The following CLEC16A variants were observed in gnomAD, a reference collection of about 807,000 sequenced individuals.
CLEC16A encodes the protein protein CLEC16A.
A neutral mutation model predicts 109.5 loss-of-function variants in CLEC16A; 51 were observed. The observed-to-expected ratio is 0.47, with a 90% CI of 0.37 to 0.59. The LOEUF (loss-of-function observed/expected upper bound fraction) is 0.59. Among genes scored for constraint, CLEC16A ranks in the 20% least tolerant of loss-of-function variants. The probability of loss-of-function intolerance (pLI) is 0.00; values close to 1 mark genes in which losing one functional copy is unlikely to be tolerated. For missense variants in CLEC16A, 1,339 were observed against 1,394.0 expected, an observed-to-expected ratio of 0.96 and a Z score of 0.63; for synonymous variants, 673 against 564.2, an observed-to-expected ratio of 1.19 and a Z score of -2.73.
intron 22 of CLEC16A, among the ~76,000 whole-genome samples, chr16:11,134,489 TC>T (rs1399552651): frequency 1.3e-5 from 2 of 152,138 alleles, no homozygotes; most frequent in Non-Finnish European, 2.9e-5. Context: ...GATCTGTACC[TC>T]CCCTTCCTGC....
chr16:10,992,969 C>T (rs1231988290), intron 10 of CLEC16A, among the ~76,000 whole-genome samples: 1 of 151,778 alleles, frequency 6.6e-6, no homozygotes, highest in Non-Finnish European at 1.5e-5. Context: ...GGGGCGTGGC[C>T]AAAACATGAG....
chr16:10,972,699 T>C (rs568734173), intron 6 of CLEC16A, 140 bp downstream of exon 6: 3 of 859,412 alleles, frequency 3.5e-6, no homozygotes, highest in African/African-American at 3.4e-5. Context: ...CCATTAATGT[T>C]TAGCCCAACT....
chr16:11,082,756 A>C (rs186459201), intron 19 of CLEC16A, among the ~76,000 whole-genome samples: 25 of 152,330 alleles, frequency 1.6e-4, no homozygotes, highest in South Asian at 1.0e-3. Flanking sequence ...TTGAGGTAGA[A>C]GTCCTGCCTG....
At position 11,028,172 on chromosome 16, in the gene CLEC16A, C is replaced by A. The variant is rs150351921; in HGVS notation, c.1537+3251C>A. ...CTGAGATCACGCCATTGCACTCCAG[C>A]CTGGGCAACGAGCGAAACTCTGTCT... On this transcript the variant is annotated intron_variant, in intron 13 of 23. Coordinates refer to ENST00000409790, the MANE Select transcript of CLEC16A (RefSeq NM_015226.3). Among the ~76,000 whole-genome samples the A allele has an allele frequency of 4.6e-3, 693 of 152,304 alleles. 5 individuals are homozygous for A. The highest frequency in any genetic ancestry group is 0.031 in the Middle Eastern group (9 of 294).
chr16:11,050,020 C>T (rs970745405), intron 17 of CLEC16A, among the ~76,000 whole-genome samples: 1 of 152,216 alleles, frequency 6.6e-6, no homozygotes. Context: ...GCAGCTATAA[C>T]AGAATACCAC....
chr16:11,171,364 G>A (rs921768450), intron 23 of CLEC16A, among the ~76,000 whole-genome samples: 1 of 152,200 alleles, frequency 6.6e-6, no homozygotes, highest in Non-Finnish European at 1.5e-5. Flanking sequence ...GCTGGCCCCA[G>A]ACCAAAGGGA....
intron 19 of CLEC16A, among the ~76,000 whole-genome samples, chr16:11,078,876 C>A (rs760189677): frequency 6.6e-6 from 1 of 152,164 alleles, no homozygotes; most frequent in Non-Finnish European, 1.5e-5. Context: ...AAGCTGTTTA[C>A]GCTTCTCTCC....
In CLEC16A at chr16:11,126,164, C is replaced by A. The variant is rs776601584; in HGVS notation, c.2641+18C>A. ...GGTGCCAGGTGAGCCAGCCCCCCGCCCTGCGCCACAGCTCGTTCATCATGG... is the reference window on the plus strand; with the variant it reads ...GGTGCCAGGTGAGCCAGCCCCCCGCACTGCGCCACAGCTCGTTCATCATGG... On this transcript the variant is annotated intron_variant, in intron 22 of 23. Transcript: ENST00000409790. 1 of 1,613,722 alleles carries A rather than the reference C, an allele frequency of 6.2e-7. No homozygotes were observed.
chr16:11,008,435 T>A (rs1280866878), intron 11 of CLEC16A, among the ~76,000 whole-genome samples: 1 of 151,668 alleles, frequency 6.6e-6, no homozygotes, highest in African/African-American at 2.4e-5. Flanking sequence ...GAAAAATGAG[T>A]GTGTCAGAGT....
chr16:11,182,043 T>G lies in CLEC16A; in HGVS notation c.*3353T>G, dbSNP rs2141074725. 6.6e-6 allele frequency: 1 copy of G among 152,584 alleles called. No individual in the cohort carries two copies. The highest frequency in any genetic ancestry group is 6.5e-5 in the Admixed American group (1 of 15,308). The allele number at this position is 152,584 out of a possible 1,614,324, so 9.5% of individuals were successfully genotyped here. A position where few individuals can be genotyped will look rare whatever the true frequency, so the allele number is the denominator to read the frequency against. On this transcript the variant is annotated 3_prime_UTR_variant, in exon 24 of 24. Transcript: ENST00000409790. ...GAGGGTTAGAAAACCTCGATGCCTC[T>G]GAGCCTCGGGACCGCTCTAGGGAAG...
intron 10 of CLEC16A, among the ~76,000 whole-genome samples, chr16:10,984,039 A>G (rs984205295): frequency 1.3e-5 from 2 of 152,026 alleles, no homozygotes; most frequent in Non-Finnish European, 2.9e-5. Context: ...TGCGTTTTAT[A>G]CAAGGGCTGT....
At position 11,056,961 on chromosome 16, in the gene CLEC16A, G is replaced by C. The variant is rs182226252; in HGVS notation, c.1996-3941G>C. On this transcript the variant is annotated intron_variant, in intron 18 of 23. Coordinates refer to ENST00000409790, the MANE Select transcript of CLEC16A (RefSeq NM_015226.3). ...CTTATGGCCTCATAAAGGTTCATCT[G>C]GCATTTTCTTGCAAGTAGACATTTT... 449 of 152,240 alleles carry C rather than the reference G, an allele frequency of 2.9e-3. 5 individuals carry two copies. Among genetic ancestry groups the C allele is most frequent in the African/African-American group, 0.01 (425 of 41,542 alleles). The allele number at this position is 152,240 out of a possible 1,614,324, so 9.4% of individuals were successfully genotyped here. A position where few individuals can be genotyped will look rare whatever the true frequency, so the allele number is the denominator to read the frequency against.
At chr16:11,072,134 C>CT (rs1250897888) in intron 19 of CLEC16A, among the ~76,000 whole-genome samples, 3 of 151,944 alleles carry the variant, frequency 2.0e-5, no homozygotes, top group African/African-American at 7.3e-5. Context: ...ACTGTTGTTT[C>CT]TTTTTGAGAC....
chr16:11,029,661 C>G (rs1019306221), intron 13 of CLEC16A, among the ~76,000 whole-genome samples: 1 of 152,204 alleles, frequency 6.6e-6, no homozygotes. Context: ...GTCTTGCTTT[C>G]TAAGTTGCCT....
intron 19 of CLEC16A, among the ~76,000 whole-genome samples, chr16:11,095,554 G>A (rs989991775): frequency 1.3e-5 from 2 of 152,218 alleles, no homozygotes; most frequent in African/African-American, 4.8e-5. Flanking sequence ...GCTCACGCCT[G>A]TAATCCCAAC....
chr16:11,075,757 G>C (rs1047475344), intron 19 of CLEC16A, among the ~76,000 whole-genome samples: 1 of 152,008 alleles, frequency 6.6e-6, no homozygotes, highest in Non-Finnish European at 1.5e-5. Flanking sequence ...TTTTGACCAG[G>C]GGGAGGATGA....
chr16:11,095,697 A>G (rs1462487812), intron 19 of CLEC16A, among the ~76,000 whole-genome samples: 1 of 152,012 alleles, frequency 6.6e-6, no homozygotes, highest in Non-Finnish European at 1.5e-5. Context: ...CTGTAATCCC[A>G]GCTACCTGGG....
At chr16:10,979,460 G>A in intron 9 of CLEC16A, 78 bp downstream of exon 9, 1 of 1,285,700 alleles carries the variant, frequency 7.8e-7, no homozygotes, top group East Asian at 2.5e-5. Flanking sequence ...AAAATCCCCA[G>A]GCCTTATCAC....
intron 11 of CLEC16A, among the ~76,000 whole-genome samples, chr16:11,003,673 A>G (rs2044807361): frequency 6.6e-6 from 1 of 152,208 alleles, no homozygotes; most frequent in Non-Finnish European, 1.5e-5. Context: ...TAAATGCTGC[A>G]AAGGCTTCGA....
Sources: gnomAD v4.1 joint callset for allele counts (sites outside exome capture counted in the v4.1 genomes callset) on GRCh38, gnomAD v4.1.1 for gene constraint, MANE v1.5 for transcripts, NCBI Gene and HGNC (gene_info 2026-07-23, HGNC 2026-07-21) for gene names.